Variants in CCPG1 observed in about 807,000 individuals in gnomAD.
CCPG1 encodes the protein cell cycle progression 1, also known as cell cycle progression protein 1.
Under a neutral mutation model 81.3 loss-of-function variants are expected in CCPG1, and 46 were observed. That is an observed-to-expected ratio of 0.57 (90% CI 0.45 to 0.72). The LOEUF (loss-of-function observed/expected upper bound fraction) is 0.72, where lower values mean the gene tolerates loss of function less well. Among genes scored for constraint, CCPG1 ranks in the 30% least tolerant of loss-of-function variants. The pLI, the probability that CCPG1 is intolerant of heterozygous loss-of-function variation, is 0.00. For synonymous variants in CCPG1, 330 were observed against 305.2 expected, an observed-to-expected ratio of 1.08 and a Z score of -0.85; for missense variants, 902 against 937.6, an observed-to-expected ratio of 0.96 and a Z score of 0.50.
chr15:55,381,564 T>G (rs2056696498), intron 3 of CCPG1, among the ~76,000 whole-genome samples: 1 of 152,214 alleles, frequency 6.6e-6, no homozygotes. Context: ...GAATCACTTT[T>G]CAAATGAGAG....
At position 55,358,317 on chromosome 15, in the gene CCPG1, A is replaced by G. The variant is rs75171994; in HGVS notation, c.2234+1222T>C. 1,190 of 937,504 alleles carry G rather than the reference A, an allele frequency of 1.3e-3. 39 individuals are homozygous for G. The Admixed American group carries it at 0.053, about 42-fold the overall frequency. The allele number at this position is 937,504 out of a possible 1,614,324, so 58.1% of individuals were successfully genotyped here. A position where few individuals can be genotyped will look rare whatever the true frequency, so the allele number is the denominator to read the frequency against. On this transcript the variant is annotated intron_variant, in intron 8 of 8. Transcript: ENST00000442196. ...TTATGTTCTATCCCTGGTTTCCAGC[A>G]TCCACTGGGGGTCTTGGAACATATA... is the stretch of plus-strand genomic sequence containing the variant.
At chr15:55,390,380 G>GT (rs980203281) in intron 1 of CCPG1, among the ~76,000 whole-genome samples, 15 of 152,064 alleles carry the variant, frequency 9.9e-5, no homozygotes, top group Non-Finnish European at 1.6e-4. Flanking sequence ...ACTCCACCTG[G>GT]TTTTTTCTTT....
Position 55,357,497 on chromosome 15 carries a change from TCCGTTA to T in CCPG1, c.2235-1094_2235-1089del, listed in dbSNP as rs534958371. ...GGCTTTACTTTCTGTGATTGAGGTTTCCGTTACCTGTGGTCAACTGTGGTCTGAAAA... is the reference window on the plus strand; with the variant it reads ...GGCTTTACTTTCTGTGATTGAGGTTTCCTGTGGTCAACTGTGGTCTGAAAA... On this transcript the variant is annotated intron_variant, in intron 8 of 8. Coordinates refer to ENST00000442196, the MANE Select transcript of CCPG1 (RefSeq NM_001204450.2). 2.7e-3 allele frequency: 2,469 copies of T among 908,632 alleles called. 13 individuals are homozygous for T. The highest frequency in any genetic ancestry group is 0.023 in the Middle Eastern group (40 of 1,758). 56.3% of individuals were successfully genotyped at this position (908,632 alleles called of 1,614,324 possible).
At position 55,371,912 on chromosome 15, in the gene CCPG1, G is replaced by T; in HGVS notation, c.587C>A (p.Ala196Asp). ...SASESEDRLV[A>D]EQETEPSKEL... ...CTTAGAAGGTTCAGTTTCTTGTTCA[G>T]CAACTAGCCGGTCTTCAGATTCTGA... is the stretch of plus-strand genomic sequence containing the variant. Residue 196 changes from alanine (A) to aspartate (D), a missense_variant, in exon 6 of 9, where the codon GCT becomes GAT. Transcript: ENST00000442196. 1 of 1,614,100 alleles carries T rather than the reference G, an allele frequency of 6.2e-7. No homozygotes were observed. Among genetic ancestry groups the T allele is most frequent in the Non-Finnish European group, 8.5e-7 (1 of 1,179,992 alleles).
chr15:55,399,118 C>A (rs1271182419), intron 1 of CCPG1, among the ~76,000 whole-genome samples: 2 of 152,044 alleles, frequency 1.3e-5, no homozygotes, highest in African/African-American at 4.8e-5. Flanking sequence ...AGTTAGCCAG[C>A]TGGTGCCCAG....
intron 3 of CCPG1, among the ~76,000 whole-genome samples, chr15:55,381,356 CG>C (rs1333700758): frequency 6.6e-6 from 1 of 150,546 alleles, no homozygotes; most frequent in African/African-American, 2.4e-5. Context: ...AGACTTGAAC[CG>C]GGGAGGCGGA....
chr15:55,358,955 G>A, intron 8 of CCPG1: 2 of 974,808 alleles, frequency 2.1e-6, no homozygotes, highest in Non-Finnish European at 2.4e-6. Flanking sequence ...AGATGAAAAT[G>A]GATAAAAAAT....
chr15:55,389,392 A>T lies in CCPG1; in HGVS notation c.33T>A (p.Ser11=). 1 of 1,611,714 alleles carries T rather than the reference A, an allele frequency of 6.2e-7. No individual in the cohort carries two copies. The highest frequency in any genetic ancestry group is 1.7e-5 in the Admixed American group (1 of 60,032). MSENSSDSDS[S]CGWTVISHEG... is the part of the protein sequence containing the mutation. ...CATGACTGATGACAGTCCAACCACAAGATGAATCACTGTCACTGGAATTTT... is the reference window on the plus strand; with the variant it reads ...CATGACTGATGACAGTCCAACCACATGATGAATCACTGTCACTGGAATTTT... The change falls in exon 2 of 9, where the codon TCT becomes TCA. Residue 11 remains serine (S), a synonymous_variant. Transcript: ENST00000442196.
At chr15:55,405,560 C>G (rs1039343738) in intron 1 of CCPG1, among the ~76,000 whole-genome samples, 1 of 152,046 alleles carries the variant, frequency 6.6e-6, no homozygotes, top group African/African-American at 2.4e-5. Context: ...AAGTAATAGC[C>G]AGGCCTAGGC....
intron 1 of CCPG1, among the ~76,000 whole-genome samples, chr15:55,394,486 T>C (rs7164158): frequency 0.18 from 26,958 of 151,970 alleles, 4,138 homozygotes; most frequent in African/African-American, 0.42. Context: ...GCTTCCCTCC[T>C]TCCCTTTGCC....
chr15:55,371,482 T>C (rs966782108), intron 6 of CCPG1, among the ~76,000 whole-genome samples: 2 of 152,234 alleles, frequency 1.3e-5, no homozygotes, highest in Non-Finnish European at 2.9e-5. Flanking sequence ...TGATTCTAAA[T>C]GTAAATGATT....
At position 55,356,317 on chromosome 15, in the gene CCPG1, C is replaced by T; in HGVS notation, c.2327G>A (p.Arg776Lys). 6.5e-7 allele frequency: 1 copy of T among 1,535,646 alleles called. No homozygotes were observed. Among genetic ancestry groups the T allele is most frequent in the Non-Finnish European group, 8.7e-7 (1 of 1,146,758 alleles). ...ACCATATTTATGCCATTTACCTTCC[C>T]TTTTATAAGGCTGTGGCTGAAGGTG... ...QKHLQPQPYK[R>K]EGKWHKYGRT... The change falls in exon 9 of 9, where the codon AGG becomes AAG. Residue 776 changes from arginine to lysine, a missense_variant. Coordinates refer to ENST00000442196, the MANE Select transcript of CCPG1 (RefSeq NM_001204450.2).
At position 55,360,583 on chromosome 15, in the gene CCPG1, C is replaced by A; in HGVS notation, c.1190G>T (p.Arg397Met). ...ACCACTTAACTGCTGGAGTTCCCCC[C>A]TTAAAGCCGTAGTTACTAGTCGTTC... Reference protein sequence around the residue: ...ERERLVTTALRGELQQLSGSQ... With the variant: ...ERERLVTTALMGELQQLSGSQ... The change falls in exon 8 of 9, where the codon AGG (arginine) becomes ATG (methionine). Residue 397 changes from arginine (R) to methionine (M), a missense_variant. Transcript: ENST00000442196. 2 of 1,614,152 alleles carry A rather than the reference C, an allele frequency of 1.2e-6. No individual in the cohort carries two copies. The highest frequency in any genetic ancestry group is 1.1e-5 in the South Asian group (1 of 91,082).
At chr15:55,367,167 T>C (rs1170140698) in intron 6 of CCPG1, among the ~76,000 whole-genome samples, 6 of 152,220 alleles carry the variant, frequency 3.9e-5, no homozygotes, top group Non-Finnish European at 2.9e-5. Flanking sequence ...CAAGCTTGTT[T>C]CAAAATTACT....
rs1054544929 is a variant in CCPG1, at chr15:55,371,920, C to T, written c.579G>A (p.Arg193=). 5 of 1,614,190 alleles carry T rather than the reference C, an allele frequency of 3.1e-6. No individual in the cohort carries two copies. Among genetic ancestry groups the T allele is most frequent in the Non-Finnish European group, 3.4e-6 (4 of 1,180,036 alleles). The change falls in exon 6 of 9, where the codon CGG becomes CGA. Residue 193 remains arginine (R), a synonymous_variant. Coordinates refer to ENST00000442196, the MANE Select transcript of CCPG1 (RefSeq NM_001204450.2). ...GTTCAGTTTCTTGTTCAGCAACTAG[C>T]CGGTCTTCAGATTCTGAAGCAGAAA... ...KTVSASESED[R]LVAEQETEPS...
At position 55,355,612 on chromosome 15, in the gene CCPG1, A is replaced by G; in HGVS notation, c.*608T>C. The stretch of plus-strand genomic sequence containing the variant: ...TAGTATAAAATTACATGTTAATACA[A>G]TGCCAGATTTTAAATAAAGACCTTT... On this transcript the variant is annotated 3_prime_UTR_variant, in exon 9 of 9. Coordinates refer to ENST00000442196, the MANE Select transcript of CCPG1 (RefSeq NM_001204450.2). The G allele has an allele frequency of 2.3e-6, 1 of 432,542 alleles. No individual in the cohort carries two copies. Among genetic ancestry groups the G allele is most frequent in the Non-Finnish European group, 4.0e-6 (1 of 248,554 alleles). 26.8% of individuals were successfully genotyped at this position (432,542 alleles called of 1,614,324 possible).
chr15:55,389,462 G>A lies in CCPG1; in HGVS notation c.-9-29C>T, dbSNP rs1325456968. On this transcript the variant is annotated intron_variant, in intron 1 of 8. Coordinates refer to ENST00000442196, the MANE Select transcript of CCPG1 (RefSeq NM_001204450.2). ...CAAATACAAAAACATATTGACTCAT[G>A]AGACACATTTTTTTTAATTCTATAG... 4 of 1,494,784 alleles carry A rather than the reference G, an allele frequency of 2.7e-6. No individual in the cohort carries two copies. The African/African-American group carries it at 4.1e-5, about 15-fold the overall frequency. 92.6% of individuals were successfully genotyped at this position (1,494,784 alleles called of 1,614,324 possible).
At position 55,360,600 on chromosome 15, in the gene CCPG1, T is replaced by C. The variant is rs200240259; in HGVS notation, c.1173A>G (p.Leu391=). The stretch of plus-strand genomic sequence containing the variant: ...GTTCCCCCCTTAAAGCCGTAGTTAC[T>C]AGTCGTTCTCTCTCCAGTTCTCTCT... ...MLKRELERER[L]VTTALRGELQ... Residue 391 remains leucine (L), a synonymous_variant, in exon 8 of 9, where the codon CTA becomes CTG. Coordinates refer to ENST00000442196, the MANE Select transcript of CCPG1 (RefSeq NM_001204450.2). 6.8e-6 allele frequency: 11 copies of C among 1,614,152 alleles called. No homozygotes were observed. In the Admixed American group the frequency reaches 1.2e-4, roughly 17 times the overall value.
At chr15:55,386,761 G>T (rs1330173248) in intron 2 of CCPG1, among the ~76,000 whole-genome samples, 2 of 152,012 alleles carry the variant, frequency 1.3e-5, no homozygotes, top group Non-Finnish European at 2.9e-5. Context: ...GCCGAGCGTG[G>T]TGGCGGGCGC....
Sources: gnomAD v4.1 joint callset for allele counts (sites outside exome capture counted in the v4.1 genomes callset) on GRCh38, gnomAD v4.1.1 for gene constraint, MANE v1.5 for transcripts, NCBI Gene and HGNC (gene_info 2026-07-23, HGNC 2026-07-21) for gene names.